The following MEF2D variants were observed in gnomAD, a reference collection of about 807,000 sequenced individuals.
MEF2D encodes myocyte enhancer factor 2D.
MEF2D carries 10 observed loss-of-function variants against 59.3 expected under a neutral mutation model. The observed-to-expected ratio is 0.17, with a 90% confidence interval of 0.10 to 0.29. MEF2D has a LOEUF of 0.29. MEF2D is among the 10% of genes least tolerant of loss of function. The pLI is 1.00. For synonymous variants in MEF2D, 305 were observed against 295.0 expected, an observed-to-expected ratio of 1.03 and a Z score of -0.35; for missense variants, 508 against 699.4, an observed-to-expected ratio of 0.73 and a Z score of 3.09.
intron 9 of MEF2D, among the ~76,000 whole-genome samples, chr1:156,469,258 G>A (rs907639622): frequency 6.6e-6 from 1 of 152,094 alleles, no homozygotes; most frequent in African/African-American, 2.4e-5. Flanking sequence ...TGTGGTTTTT[G>A]TTTTGTTTTG....
At position 156,479,781 on chromosome 1, in the gene MEF2D, G is replaced by A. The variant is rs935953376; in HGVS notation, c.412C>T (p.Pro138Ser). 10 of 1,551,508 alleles carry A rather than the reference G, an allele frequency of 6.4e-6. No individual in the cohort carries two copies. The African/African-American group carries it at 8.2e-5, about 13-fold the overall frequency. Reference sequence around the variant, plus strand: ...ACCGTGACAGGCATGGCAAAGTTGGGGGCCGGGACAGTTGACTAGACAGAA... The same window carrying A: ...ACCGTGACAGGCATGGCAAAGTTGGAGGCCGGGACAGTTGACTAGACAGAA... Reference protein sequence around the residue: ...FRRYGSTVPAPNFAMPVTVPV... With the variant: ...FRRYGSTVPASNFAMPVTVPV... The change falls in exon 5 of 12, where the codon CCC (proline) becomes TCC (serine). Residue 138 changes from proline (P) to serine (S), a missense_variant. Pro to Ser is a moderately conservative substitution (Grantham distance 74, BLOSUM62 -1). Transcript: ENST00000348159.
intron 3 of MEF2D, 39 bp downstream of exon 3, chr1:156,482,398 G>A: frequency 6.2e-7 from 1 of 1,608,444 alleles, no homozygotes; most frequent in Non-Finnish European, 8.5e-7. Flanking sequence ...TGTGGATGCA[G>A]GCGGGGGTAT....
At chr1:156,498,223 T>C (rs998491756) in intron 1 of MEF2D, among the ~76,000 whole-genome samples, 1 of 150,818 alleles carries the variant, frequency 6.6e-6, no homozygotes, top group African/African-American at 2.5e-5. Flanking sequence ...AGAGCCAGGA[T>C]GCCCAGGCCC....
chr1:156,469,600 A>AAG (rs1416015057), intron 9 of MEF2D, among the ~76,000 whole-genome samples: 1 of 109,830 alleles, frequency 9.1e-6, no homozygotes, highest in African/African-American at 2.7e-5. Flanking sequence ...AAAAAAAAAA[A>AAG]AAAAAACAGC....
At chr1:156,489,516 G>A (rs1557893538) in intron 1 of MEF2D, among the ~76,000 whole-genome samples, 1 of 152,150 alleles carries the variant, frequency 6.6e-6, no homozygotes, top group Non-Finnish European at 1.5e-5. Flanking sequence ...GAGGGCTAGA[G>A]GAGAGGGAGA....
At position 156,468,195 on chromosome 1, in the gene MEF2D, G is replaced by A. The variant is rs750391923; in HGVS notation, c.1352C>T (p.Pro451Leu). ...EPVSPSRERSPAPPPPAVFPA... is the reference protein window; with the variant it reads ...EPVSPSRERSLAPPPPAVFPA... ...GAACACAGCTGGAGGGGGAGGCGCA[G>A]GGCTGCGCTCACGGCTTGGGGACAC... The change falls in exon 11 of 12, where the codon CCT (proline) becomes CTT (leucine). Residue 451 changes from proline (P) to leucine (L), a missense_variant. Pro to Leu is a moderately conservative substitution (Grantham distance 98). Around this residue, in one of 2 missense-constraint regions of MEF2D, gnomAD observed 481 missense variants for 584.7 expected, o/e 0.82. Coordinates refer to ENST00000348159, the MANE Select transcript of MEF2D (RefSeq NM_005920.4). The surrounding 1 kb of genome is among the most constrained non-coding windows in gnomAD (Gnocchi z 4.3). The A allele has an allele frequency of 6.2e-7, 1 of 1,613,708 alleles. No individual in the cohort carries two copies. Among genetic ancestry groups the A allele is most frequent in the Non-Finnish European group, 8.5e-7 (1 of 1,179,766 alleles).
rs1475603182 is a variant in MEF2D at position 156,467,975 on chromosome 1, G to A, written c.1554+18C>T. 6.3e-7 allele frequency: 1 copy of A among 1,599,898 alleles called. No individual in the cohort carries two copies. The stretch of plus-strand genomic sequence containing the variant: ...GTGTAGCAGACACTGGCAGACAGGA[G>A]AGGTGATGCTACAGTACCCAGGTAT... On this transcript the variant is annotated intron_variant, in intron 11 of 11. Transcript: ENST00000348159.
chr1:156,478,290 A>C (rs1671750178), intron 6 of MEF2D, among the ~76,000 whole-genome samples: 2 of 152,188 alleles, frequency 1.3e-5, no homozygotes, highest in African/African-American at 4.8e-5. Flanking sequence ...GCTGAGGTCC[A>C]AGGATGTGAG....
chr1:156,487,644 T>A (rs1336799013), intron 1 of MEF2D, among the ~76,000 whole-genome samples: 1 of 152,218 alleles, frequency 6.6e-6, no homozygotes, highest in Non-Finnish European at 1.5e-5. Flanking sequence ...TATCCAAGGT[T>A]TGGAGGCCTA....
intron 1 of MEF2D, chr1:156,490,651 G>A (rs559722878): frequency 1.5e-4 from 23 of 152,476 alleles, no homozygotes; most frequent in Admixed American, 5.9e-4. Flanking sequence ...TCAGCTTAAG[G>A]GACAGGAACC....
At chr1:156,484,979 G>A (rs1672254099) in intron 1 of MEF2D, among the ~76,000 whole-genome samples, 1 of 152,144 alleles carries the variant, frequency 6.6e-6, no homozygotes, top group South Asian at 2.1e-4. Context: ...GATGTTGGAA[G>A]AGGATAGTGA....
At chr1:156,477,628 C>G (rs1671705142) in intron 6 of MEF2D, among the ~76,000 whole-genome samples, 1 of 152,224 alleles carries the variant, frequency 6.6e-6, no homozygotes, top group Admixed American at 6.5e-5. Flanking sequence ...ACAGGACCCA[C>G]CATGACCAGG....
intron 1 of MEF2D, among the ~76,000 whole-genome samples, chr1:156,487,217 G>A (rs1372518952): frequency 6.6e-6 from 1 of 152,228 alleles, no homozygotes; most frequent in Non-Finnish European, 1.5e-5. Flanking sequence ...GGACGAGAGA[G>A]GGATCAGGGC....
chr1:156,498,780 T>A (rs2102301317), intron 1 of MEF2D, among the ~76,000 whole-genome samples: 1 of 152,278 alleles, frequency 6.6e-6, no homozygotes. Context: ...CTGGGGCAAG[T>A]GGGGAAGGAG....
rs199804317 is a variant in MEF2D at position 156,477,208 on chromosome 1, G to A, written c.665-6C>T. ...AGCACTGACGTAGCCATTCCCTGGA[G>A]AAGTGACAACAAGAGGGTAAAAGGA... On this transcript the variant is annotated splice_polypyrimidine_tract_variant and splice_region_variant and intron_variant, in intron 6 of 11. Coordinates refer to ENST00000348159, the MANE Select transcript of MEF2D (RefSeq NM_005920.4). 346 of 1,589,988 alleles carry A rather than the reference G, an allele frequency of 2.2e-4. No homozygotes were observed. The highest frequency in any genetic ancestry group is 2.9e-4 in the Non-Finnish European group (335 of 1,166,852).
At chr1:156,490,037 C>A (rs921523299) in intron 1 of MEF2D, among the ~76,000 whole-genome samples, 2 of 152,152 alleles carry the variant, frequency 1.3e-5, no homozygotes, top group Admixed American at 1.3e-4. Flanking sequence ...AACACCCAGG[C>A]AAGATGGTCC....
chr1:156,491,987 G>GATCT (rs2102240899), intron 1 of MEF2D, among the ~76,000 whole-genome samples: 1 of 152,306 alleles, frequency 6.6e-6, no homozygotes, highest in Admixed American at 6.5e-5. Flanking sequence ...ATACAGTATA[G>GATCT]AGCTCTCAGT....
intron 1 of MEF2D, among the ~76,000 whole-genome samples, chr1:156,491,480 G>A (rs1411990669): frequency 1.3e-5 from 2 of 152,212 alleles, no homozygotes; most frequent in African/African-American, 4.8e-5. Flanking sequence ...GGATGGGGCT[G>A]GTGAAGGGGC....
chr1:156,472,566 G>C (rs1466661308), intron 9 of MEF2D, among the ~76,000 whole-genome samples: 1 of 151,986 alleles, frequency 6.6e-6, no homozygotes, highest in Admixed American at 6.6e-5. Context: ...CCCTTTTTTT[G>C]AGACAAAAGT....
Sources: allele counts gnomAD v4.1 joint callset (sites outside exome capture counted in the v4.1 genomes callset), GRCh38; gene constraint gnomAD v4.1.1; regional missense constraint gnomAD v4.1.1; non-coding constraint Gnocchi (gnomAD v3.1); transcripts MANE v1.5; gene names NCBI Gene and HGNC (gene_info 2026-07-23, HGNC 2026-07-21).